FAM135A: variants seen among roughly 807,000 people sequenced by gnomAD.
The protein encoded by FAM135A is family with sequence similarity 135 member A, also known as protein FAM135A.
Under a neutral mutation model 146.8 loss-of-function variants are expected in FAM135A, and 79 were observed. The observed-to-expected ratio is 0.54, with a 90% CI of 0.45 to 0.65. The LOEUF is 0.65. Ranked by LOEUF, FAM135A falls within the 30% of genes least tolerant of loss-of-function variation. FAM135A has a pLI of 0.00. For missense variants in FAM135A, 1,623 were observed against 1,758.2 expected (o/e 0.92, Z 1.38); for synonymous variants, 562 against 603.6 (o/e 0.93, Z 1.01).
chr6:70,479,619 AG>A (rs1391907417), intron 8 of FAM135A, among the ~76,000 whole-genome samples: 1 of 152,286 alleles, frequency 6.6e-6, no homozygotes, highest in East Asian at 1.9e-4. Context: ...GTGTTGATAA[AG>A]GGGTCATGTC....
At position 70,450,716 on chromosome 6, in the gene FAM135A, G is replaced by GTTTTTTT. The variant is rs546674936; in HGVS notation, c.78-1740_78-1734dup. 6.6e-3 allele frequency among the ~76,000 whole-genome samples: 187 copies of GTTTTTTT among 28,344 alleles called. 77 individuals are homozygous for GTTTTTTT. The highest frequency in any genetic ancestry group is 0.01 in the Non-Finnish European group (137 of 13,088). The allele number at this position is 28,344 out of a possible 152,430, so 18.6% of individuals were successfully genotyped here. On this transcript the variant is annotated intron_variant, in intron 4 of 21. Transcript: ENST00000418814. Reference sequence around the variant, plus strand: ...CTCAGGGAGTGTGACCCTTTTAGTTGTTTTTTTTTTTTTTTTTTTTTTTTT... The same window carrying GTTTTTTT: ...CTCAGGGAGTGTGACCCTTTTAGTTGTTTTTTTTTTTTTTTTTTTTTTTTTTTTTTTT...
At chr6:70,545,195 C>G (rs962566737) in intron 20 of FAM135A, among the ~76,000 whole-genome samples, 6 of 152,050 alleles carry the variant, frequency 3.9e-5, no homozygotes, top group Admixed American at 3.3e-4. Context: ...ATATTACTAG[C>G]TATAAAAATT....
At chr6:70,488,321 A>G (rs1030614787) in intron 10 of FAM135A, among the ~76,000 whole-genome samples, 1 of 152,128 alleles carries the variant, frequency 6.6e-6, no homozygotes, top group African/African-American at 2.4e-5. Flanking sequence ...CTGAGAGAAA[A>G]AAAGCAAGAT....
intron 17 of FAM135A, 22 bp from the exon 18 acceptor site, chr6:70,533,735 A>G (rs370515509): frequency 6.9e-5 from 96 of 1,388,574 alleles, no homozygotes; most frequent in Non-Finnish European, 7.9e-5. Context: ...AATATAATGT[A>G]TGTGCTTTGC....
intron 2 of FAM135A, among the ~76,000 whole-genome samples, chr6:70,424,681 ATTTC>A (rs1769637641): frequency 6.6e-6 from 1 of 152,212 alleles, no homozygotes; most frequent in African/African-American, 2.4e-5. Context: ...AAGCGGCCTT[ATTTC>A]TTTCCATCTT....
At chr6:70,500,098 G>T (rs1788151157) in intron 11 of FAM135A, among the ~76,000 whole-genome samples, 1 of 152,142 alleles carries the variant, frequency 6.6e-6, no homozygotes, top group Admixed American at 6.5e-5. Flanking sequence ...CATTCTCCCT[G>T]TCACTTTTGG....
intron 11 of FAM135A, among the ~76,000 whole-genome samples, chr6:70,499,942 A>G (rs965233070): frequency 6.6e-6 from 1 of 151,950 alleles, no homozygotes; most frequent in African/African-American, 2.4e-5. Context: ...GAGAATCTGA[A>G]GATTATGTGT....
intron 4 of FAM135A, among the ~76,000 whole-genome samples, chr6:70,448,190 A>G (rs924700285): frequency 2.0e-5 from 3 of 152,154 alleles, no homozygotes; most frequent in African/African-American, 7.2e-5. Flanking sequence ...GAAAGGAAAG[A>G]TCTGGAGGGT....
chr6:70,423,313 A>G (rs1049795267), intron 2 of FAM135A, among the ~76,000 whole-genome samples: 5 of 152,212 alleles, frequency 3.3e-5, no homozygotes, highest in Admixed American at 3.3e-4. Flanking sequence ...CAGAGGAGAG[A>G]GACAAAAGCT....
intron 13 of FAM135A, among the ~76,000 whole-genome samples, chr6:70,523,609 A>T (rs143708125): frequency 0.014 from 2,085 of 152,282 alleles, 16 homozygotes; most frequent in Non-Finnish European, 0.018. Context: ...TCAAATAATT[A>T]TTAAGCAGTT....
intron 20 of FAM135A, among the ~76,000 whole-genome samples, chr6:70,552,426 A>T (rs900268025): frequency 6.6e-6 from 1 of 150,910 alleles, no homozygotes; most frequent in Non-Finnish European, 1.5e-5. Flanking sequence ...GCGAGGGGGA[A>T]GGCAAGAGGA....
chr6:70,428,474 T>C (rs1770714701), intron 4 of FAM135A, 55 bp downstream of exon 4: 5 of 1,146,244 alleles, frequency 4.4e-6, no homozygotes, highest in Non-Finnish European at 4.9e-6. Flanking sequence ...CAGTTTAAAT[T>C]TAAATTTAAT....
intron 5 of FAM135A, among the ~76,000 whole-genome samples, chr6:70,469,441 T>C (rs1781128806): frequency 6.6e-6 from 1 of 152,228 alleles, no homozygotes; most frequent in Non-Finnish European, 1.5e-5. Context: ...CAATTTAGAA[T>C]TACTGATTTT....
intron 5 of FAM135A, among the ~76,000 whole-genome samples, chr6:70,457,920 T>A (rs1012673690): frequency 2.0e-5 from 3 of 152,136 alleles, no homozygotes; most frequent in African/African-American, 7.2e-5. Flanking sequence ...TGCTGCCAAC[T>A]AAGTTTCTAG....
chr6:70,441,723 C>T (rs964509053), intron 4 of FAM135A, among the ~76,000 whole-genome samples: 3 of 145,856 alleles, frequency 2.1e-5, no homozygotes, highest in Admixed American at 6.9e-5. Flanking sequence ...CTCACTCTGT[C>T]GCCCAGGCCA....
In FAM135A at chr6:70,533,153, T is replaced by A; in HGVS notation, c.3776-7T>A. 1.2e-6 allele frequency: 2 copies of A among 1,609,160 alleles called. No individual in the cohort carries two copies. Among genetic ancestry groups the A allele is most frequent in the Non-Finnish European group, 1.7e-6 (2 of 1,176,148 alleles). The stretch of plus-strand genomic sequence containing the variant: ...TCATCCTTTAAACATCATTTTTCAT[T>A]TTTTAGGAAACAGTGCAGATCTCCG... On this transcript the variant is annotated splice_polypyrimidine_tract_variant and splice_region_variant and intron_variant, in intron 16 of 21. Coordinates refer to ENST00000418814, the MANE Select transcript of FAM135A (RefSeq NM_001162529.3).
chr6:70,460,692 A>C (rs1244930720), intron 5 of FAM135A, among the ~76,000 whole-genome samples: 3 of 152,202 alleles, frequency 2.0e-5, no homozygotes, highest in Non-Finnish European at 4.4e-5. Flanking sequence ...GAAAACCGAT[A>C]AAACCATTTA....
intron 5 of FAM135A, among the ~76,000 whole-genome samples, chr6:70,466,892 T>C (rs901706984): frequency 3.9e-5 from 6 of 152,184 alleles, no homozygotes; most frequent in Non-Finnish European, 7.4e-5. Context: ...ACATATCTTT[T>C]ATGGCACACA....
chr6:70,523,952 A>G lies in FAM135A; in HGVS notation c.1104-15A>G. On this transcript the variant is annotated splice_polypyrimidine_tract_variant and intron_variant, in intron 13 of 21. Coordinates refer to ENST00000418814, the MANE Select transcript of FAM135A (RefSeq NM_001162529.3). ...TTTTTCTAAATTACAATCTGACTGA[A>G]GAAATATTTTTCAGTGCTCAGAGTC... 1 of 1,592,134 alleles carries G rather than the reference A, an allele frequency of 6.3e-7. No homozygotes were observed.
Sources: allele counts gnomAD v4.1 joint callset (sites outside exome capture counted in the v4.1 genomes callset), GRCh38; gene constraint gnomAD v4.1.1; transcripts MANE v1.5; gene names NCBI Gene and HGNC (gene_info 2026-07-23, HGNC 2026-07-21).